The following SBF2 variants were observed in gnomAD, a reference collection of about 807,000 sequenced individuals.
SBF2 encodes myotubularin-related protein 13.
Under a neutral mutation model 225.2 loss-of-function variants are expected in SBF2, and 112 were observed. That is an observed-to-expected ratio of 0.50 (90% CI 0.43 to 0.58). The LOEUF (loss-of-function observed/expected upper bound fraction) is 0.58, where lower values mean the gene tolerates loss of function less well. Among genes scored for constraint, SBF2 ranks in the 20% least tolerant of loss-of-function variants. The probability of loss-of-function intolerance (pLI) is 0.00; values close to 1 mark genes in which losing one functional copy is unlikely to be tolerated. For missense variants in SBF2, 1,996 were observed against 2,206.2 expected (o/e 0.90, Z 1.91); for synonymous variants, 763 against 773.3 (o/e 0.99, Z 0.22).
At chr11:10,038,709 C>T (rs539228908) in intron 3 of SBF2, among the ~76,000 whole-genome samples, 5 of 151,868 alleles carry the variant, frequency 3.3e-5, no homozygotes, top group East Asian at 1.9e-4. Flanking sequence ...TCTTATCTCT[C>T]GAAATTACAA....
chr11:9,839,566 G>A lies in SBF2; in HGVS notation c.3387C>T (p.Ser1129=), dbSNP rs2133952310. 6.2e-7 allele frequency: 1 copy of A among 1,614,180 alleles called. No homozygotes were observed. Among genetic ancestry groups the A allele is most frequent in the Non-Finnish European group, 8.5e-7 (1 of 1,180,020 alleles). ...QRLGLGTISG[S]SSRSRPEYFR... is the part of the protein sequence containing the mutation. The stretch of plus-strand genomic sequence containing the variant: ...AATACTCGGGTCTTGAACGGGAAGA[G>A]CTGCCACTTATGGTTCCTAAACCTA... Residue 1129 remains serine, a synonymous_variant, in exon 26 of 40, where the codon AGC becomes AGT. Transcript: ENST00000256190.
At chr11:10,248,121 C>T (rs1178354132) in intron 1 of SBF2, among the ~76,000 whole-genome samples, 4 of 151,990 alleles carry the variant, frequency 2.6e-5, no homozygotes, top group East Asian at 1.9e-4. Flanking sequence ...TAAGGCCTGG[C>T]GACCTGTGAA....
intron 19 of SBF2, among the ~76,000 whole-genome samples, chr11:9,856,019 T>C: frequency 6.6e-6 from 1 of 152,104 alleles, no homozygotes; most frequent in Non-Finnish European, 1.5e-5. Context: ...TGGTAAACAC[T>C]GGGTTTTAGT....
At chr11:10,198,918 A>C (rs143677690) in intron 1 of SBF2, among the ~76,000 whole-genome samples, 29 of 152,324 alleles carry the variant, frequency 1.9e-4, no homozygotes, top group Non-Finnish European at 2.1e-4. Flanking sequence ...CTTTGTCTTA[A>C]GAAAATGTTG....
chr11:10,213,355 C>T (rs1256231655), intron 1 of SBF2, among the ~76,000 whole-genome samples: 1 of 152,146 alleles, frequency 6.6e-6, no homozygotes, highest in Admixed American at 6.5e-5. Context: ...ACTACTGAAT[C>T]CACATTTCAG....
At chr11:9,862,239 C>A (rs551841282) in intron 17 of SBF2, among the ~76,000 whole-genome samples, 2 of 152,330 alleles carry the variant, frequency 1.3e-5, no homozygotes, top group African/African-American at 4.8e-5. Context: ...GTCTGGTCAA[C>A]CACAAGCAGG....
intron 1 of SBF2, among the ~76,000 whole-genome samples, chr11:10,250,444 G>A (rs1960234719): frequency 6.6e-6 from 1 of 152,136 alleles, no homozygotes; most frequent in Non-Finnish European, 1.5e-5. Flanking sequence ...GACTCATCAT[G>A]GGAAGGATAA....
intron 1 of SBF2, among the ~76,000 whole-genome samples, chr11:10,249,538 T>A (rs943156235): frequency 2.0e-5 from 3 of 152,188 alleles, no homozygotes; most frequent in Admixed American, 1.3e-4. Context: ...GTTGCCTTTT[T>A]AAAAATTTTT....
At chr11:9,882,123 C>T (rs752556929) in intron 17 of SBF2, among the ~76,000 whole-genome samples, 9 of 152,182 alleles carry the variant, frequency 5.9e-5, no homozygotes, top group Non-Finnish European at 1.0e-4. Flanking sequence ...AAAGAGACAA[C>T]AATTCCAGAC....
At chr11:10,137,264 T>A (rs1276799132) in intron 2 of SBF2, among the ~76,000 whole-genome samples, 1 of 152,226 alleles carries the variant, frequency 6.6e-6, no homozygotes, top group African/African-American at 2.4e-5. Flanking sequence ...TGAATCTATA[T>A]AACTCACTTA....
chr11:9,818,882 C>T (rs1185790827), intron 28 of SBF2, among the ~76,000 whole-genome samples: 8 of 152,030 alleles, frequency 5.3e-5, no homozygotes, highest in Admixed American at 6.6e-5. Context: ...CCACCACGCC[C>T]GGCTAATTTT....
intron 13 of SBF2, among the ~76,000 whole-genome samples, chr11:9,987,626 C>T (rs1024459721): frequency 1.3e-5 from 2 of 151,994 alleles, no homozygotes; most frequent in African/African-American, 2.4e-5. Context: ...AAACCAACAG[C>T]GACCAAGCAG....
chr11:9,905,304 A>G (rs1271383103), intron 16 of SBF2, among the ~76,000 whole-genome samples: 1 of 152,234 alleles, frequency 6.6e-6, no homozygotes, highest in Non-Finnish European at 1.5e-5. Flanking sequence ...AGCAGTTATC[A>G]ATATTTATGG....
intron 16 of SBF2, among the ~76,000 whole-genome samples, chr11:9,905,097 C>T (rs1370698186): frequency 2.6e-5 from 4 of 152,154 alleles, no homozygotes. Flanking sequence ...GTTGTCAGCT[C>T]ACAATGCAAT....
At chr11:9,845,500 T>G (rs1366326207) in intron 24 of SBF2, 65 bp downstream of exon 24, 4 of 1,396,048 alleles carry the variant, frequency 2.9e-6, no homozygotes, top group Non-Finnish European at 4.1e-6. Flanking sequence ...ACACAAAGGA[T>G]AGGTTACTCC....
At chr11:10,211,014 C>A (rs374983348) in intron 1 of SBF2, among the ~76,000 whole-genome samples, 19 of 33,064 alleles carry the variant, frequency 5.7e-4, no homozygotes, top group East Asian at 1.6e-3. Context: ...ACTCTTGACT[C>A]AAAAAAAAAA....
chr11:9,879,031 C>A (rs1859522764), intron 17 of SBF2, among the ~76,000 whole-genome samples: 1 of 152,184 alleles, frequency 6.6e-6, no homozygotes, highest in African/African-American at 2.4e-5. Context: ...GACTTAGGTA[C>A]AAAATGTTTG....
intron 33 of SBF2, among the ~76,000 whole-genome samples, chr11:9,792,635 C>T (rs1260140655): frequency 6.6e-6 from 1 of 152,110 alleles, no homozygotes; most frequent in Non-Finnish European, 1.5e-5. Flanking sequence ...ACTAGGGACA[C>T]GAAACTAGGC....
chr11:9,820,570 C>T (rs1854694398), intron 28 of SBF2, among the ~76,000 whole-genome samples: 2 of 152,216 alleles, frequency 1.3e-5, no homozygotes, highest in African/African-American at 4.8e-5. Flanking sequence ...TAACACATCA[C>T]ACTTTCTTAT....
Sources: allele counts gnomAD v4.1 joint callset (sites outside exome capture counted in the v4.1 genomes callset), GRCh38; gene constraint gnomAD v4.1.1; transcripts MANE v1.5; gene names NCBI Gene and HGNC (gene_info 2026-07-23, HGNC 2026-07-21).